Variants in CNTN5 observed in about 807,000 individuals in gnomAD.
CNTN5 encodes contactin-5.
Under a neutral mutation model 129.1 loss-of-function variants are expected in CNTN5, and 77 were observed. The ratio of observed to expected loss-of-function variants is 0.60; its 90% CI spans 0.50 to 0.72. The LOEUF (loss-of-function observed/expected upper bound fraction) is 0.72, where lower values mean the gene tolerates loss of function less well. CNTN5 is among the 30% of genes least tolerant of loss of function. CNTN5 has a pLI of 0.00. For synonymous variants in CNTN5, 509 were observed against 465.6 expected (o/e 1.09, Z -1.20); for missense variants, 1,478 against 1,328.8 (o/e 1.11, Z -1.75).
intron 13 of CNTN5, among the ~76,000 whole-genome samples, chr11:100,113,523 A>G (rs1452939824): frequency 5.9e-5 from 9 of 151,418 alleles, no homozygotes; most frequent in Non-Finnish European, 1.3e-4. Context: ...AACTTTGAAA[A>G]GTACCAACAC....
chr11:100,084,230 GC>G (rs1234056028), intron 13 of CNTN5, among the ~76,000 whole-genome samples: 1 of 151,986 alleles, frequency 6.6e-6, no homozygotes, highest in South Asian at 2.1e-4. Context: ...TTTTCCAAAA[GC>G]CCCCCAGACT....
intron 6 of CNTN5, among the ~76,000 whole-genome samples, chr11:99,861,265 GT>G (rs1351470987): frequency 6.6e-6 from 1 of 152,020 alleles, no homozygotes; most frequent in Non-Finnish European, 1.5e-5. Context: ...CCCTTCATTT[GT>G]TTATGTCATC....
At chr11:100,198,319 A>G (rs1948696907) in intron 15 of CNTN5, among the ~76,000 whole-genome samples, 1 of 151,970 alleles carries the variant, frequency 6.6e-6, no homozygotes, top group Non-Finnish European at 1.5e-5. Context: ...TTAATGTGAT[A>G]TTTTGTCATT....
At chr11:99,836,759 A>G (rs1198677269) in intron 4 of CNTN5, among the ~76,000 whole-genome samples, 1 of 152,170 alleles carries the variant, frequency 6.6e-6, no homozygotes, top group African/African-American at 2.4e-5. Context: ...AGTCTCACCA[A>G]CAGTGTAAAA....
In CNTN5 at chr11:99,170,378, A is replaced by T. The variant is rs117851071; in HGVS notation, c.-210+149108A>T. On this transcript the variant is annotated intron_variant, in intron 1 of 24. Coordinates refer to ENST00000524871, the MANE Select transcript of CNTN5 (RefSeq NM_014361.4). ...GGTTGAAAACCAGCAGCAGGCTCTT[A>T]TGACAGGTGGGTCTAATCTTGGCTT... 1.2e-4 allele frequency among the ~76,000 whole-genome samples: 18 copies of T among 152,298 alleles called. No homozygotes were observed. In the East Asian group the frequency reaches 3.3e-3, roughly 28 times the overall value.
intron 7 of CNTN5, among the ~76,000 whole-genome samples, chr11:99,943,877 T>C (rs1950498360): frequency 6.6e-6 from 1 of 152,180 alleles, no homozygotes; most frequent in East Asian, 1.9e-4. Flanking sequence ...GCCTCTGTTC[T>C]GTTCCATTGG....
intron 3 of CNTN5, among the ~76,000 whole-genome samples, chr11:99,755,514 G>A (rs1170736773): frequency 9.9e-5 from 15 of 151,928 alleles, no homozygotes; most frequent in Admixed American, 9.8e-4. Flanking sequence ...TTTGCCATCT[G>A]TATATCTTTT....
intron 6 of CNTN5, among the ~76,000 whole-genome samples, chr11:99,880,767 A>C (rs1948751561): frequency 6.6e-6 from 1 of 152,236 alleles, no homozygotes; most frequent in Non-Finnish European, 1.5e-5. Context: ...ATATTATTAT[A>C]CAACAGTAGG....
At position 99,157,553 on chromosome 11, in the gene CNTN5, A is replaced by G. The variant is rs1231999764; in HGVS notation, c.-210+136283A>G. Among the ~76,000 whole-genome samples, 14 of 152,266 alleles carry G rather than the reference A, an allele frequency of 9.2e-5. No homozygotes were observed. In the East Asian group the frequency reaches 2.5e-3, roughly 27 times the overall value. On this transcript the variant is annotated intron_variant, in intron 1 of 24. Transcript: ENST00000524871. ...CATATATTAGAACAAGTGCAAATAT[A>G]TATCCTAGTAGATTTTTAAAAACAA... is the stretch of plus-strand genomic sequence containing the variant.
intron 21 of CNTN5, among the ~76,000 whole-genome samples, chr11:100,329,113 G>T (rs898415740): frequency 1.3e-5 from 2 of 152,174 alleles, no homozygotes; most frequent in Non-Finnish European, 2.9e-5. Flanking sequence ...CAGCCTTTAG[G>T]ACTGCAGGCT....
intron 3 of CNTN5, among the ~76,000 whole-genome samples, chr11:99,669,593 T>TA (rs1396523623): frequency 1.3e-5 from 2 of 152,076 alleles, no homozygotes; most frequent in Non-Finnish European, 2.9e-5. Flanking sequence ...AGGATTACAC[T>TA]ATTTCCCTGT....
chr11:99,109,711 C>A (rs568943693), intron 1 of CNTN5, among the ~76,000 whole-genome samples: 11 of 152,136 alleles, frequency 7.2e-5, no homozygotes, highest in African/African-American at 2.4e-4. Context: ...ATATTGCTTC[C>A]CTAGGCACAA....
chr11:100,052,872 A>T (rs1325601361), intron 9 of CNTN5, among the ~76,000 whole-genome samples: 1 of 151,814 alleles, frequency 6.6e-6, no homozygotes, highest in Non-Finnish European at 1.5e-5. Flanking sequence ...ATAGGCTTAT[A>T]GATTAATGCA....
intron 16 of CNTN5, among the ~76,000 whole-genome samples, chr11:100,231,315 G>A (rs1271892603): frequency 1.3e-5 from 2 of 152,100 alleles, no homozygotes; most frequent in East Asian, 1.9e-4. Context: ...GGACAATAAC[G>A]GTAATCTTGA....
At chr11:99,347,540 A>T (rs189359784) in intron 2 of CNTN5, among the ~76,000 whole-genome samples, 49 of 152,126 alleles carry the variant, frequency 3.2e-4, no homozygotes, top group African/African-American at 1.0e-3. Context: ...ATATCATATC[A>T]CTTTTCTTAG....
chr11:100,032,573 T>C (rs1941770539), intron 9 of CNTN5, among the ~76,000 whole-genome samples: 1 of 152,084 alleles, frequency 6.6e-6, no homozygotes, highest in Admixed American at 6.5e-5. Flanking sequence ...CAATGTTTTC[T>C]GGCCAGAATT....
At chr11:100,339,359 A>C (rs570514051) in intron 21 of CNTN5, among the ~76,000 whole-genome samples, 86 of 152,188 alleles carry the variant, frequency 5.7e-4, no homozygotes, top group African/African-American at 2.0e-3. Context: ...TCAGTGGAGA[A>C]GGGAGCTGGA....
chr11:100,266,596 C>CT (rs1254501770), intron 17 of CNTN5, among the ~76,000 whole-genome samples: 3 of 148,306 alleles, frequency 2.0e-5, no homozygotes, highest in Non-Finnish European at 4.4e-5. Flanking sequence ...TTTTATATCT[C>CT]TTACAAGCAA....
chr11:100,082,337 A>G (rs372526299), intron 13 of CNTN5, among the ~76,000 whole-genome samples: 2 of 152,152 alleles, frequency 1.3e-5, no homozygotes, highest in East Asian at 3.9e-4. Context: ...GCTGGAGTGC[A>G]GTGGCACATA....
Sources: gnomAD v4.1 joint callset for allele counts (sites outside exome capture counted in the v4.1 genomes callset) on GRCh38, gnomAD v4.1.1 for gene constraint, MANE v1.5 for transcripts, NCBI Gene and HGNC (gene_info 2026-07-23, HGNC 2026-07-21) for gene names.